YAP1: variants seen among roughly 807,000 people sequenced by gnomAD.
YAP1 encodes the protein transcriptional coactivator YAP1.
In YAP1, 5 loss-of-function variants were observed where a neutral mutation model predicts 56.9. That is an observed-to-expected ratio of 0.09 (90% CI 0.05 to 0.18). YAP1 has a LOEUF of 0.18. Ranked by LOEUF, YAP1 falls within the 10% of genes least tolerant of loss-of-function variation. The pLI is 1.00. For synonymous variants in YAP1, 265 were observed against 248.1 expected (o/e 1.07, Z -0.64); for missense variants, 539 against 651.8 (o/e 0.83, Z 1.88).
At chr11:102,203,567 T>C (rs1315111534) in intron 4 of YAP1, among the ~76,000 whole-genome samples, 2 of 152,106 alleles carry the variant, frequency 1.3e-5, no homozygotes, top group Non-Finnish European at 2.9e-5. Flanking sequence ...AGGATAGAGG[T>C]AAAAGAGATT....
chr11:102,148,675 GGACAA>G (rs1474580705), intron 2 of YAP1, among the ~76,000 whole-genome samples: 6 of 152,076 alleles, frequency 3.9e-5, no homozygotes, highest in African/African-American at 1.4e-4. Flanking sequence ...ACTGTTCTCT[GGACAA>G]GACATCAGTA....
intron 1 of YAP1, 25 bp downstream of exon 1, chr11:102,111,194 T>C (rs560938135): frequency 1.9e-6 from 3 of 1,609,034 alleles, no homozygotes; most frequent in Non-Finnish European, 2.5e-6. Flanking sequence ...CCTCTCCCCG[T>C]TTCCCCGTCG....
chr11:102,136,107 T>G (rs1944660201), intron 2 of YAP1, among the ~76,000 whole-genome samples: 1 of 152,204 alleles, frequency 6.6e-6, no homozygotes, highest in Admixed American at 6.5e-5. Flanking sequence ...GTCCAGTGCA[T>G]GGTACTTTTG....
At chr11:102,202,478 C>T (rs979989547) in intron 4 of YAP1, among the ~76,000 whole-genome samples, 2 of 151,134 alleles carry the variant, frequency 1.3e-5, no homozygotes, top group Non-Finnish European at 2.9e-5. Context: ...TGCACCTGGC[C>T]GATTTTTTTT....
At chr11:102,169,167 C>T (rs1946763511) in intron 3 of YAP1, among the ~76,000 whole-genome samples, 1 of 152,080 alleles carries the variant, frequency 6.6e-6, no homozygotes, top group Non-Finnish European at 1.5e-5. Flanking sequence ...GATAATAACT[C>T]ATAGGGCTGT....
intron 3 of YAP1, among the ~76,000 whole-genome samples, chr11:102,185,310 A>G (rs1297693007): frequency 1.3e-5 from 2 of 152,214 alleles, no homozygotes; most frequent in Non-Finnish European, 2.9e-5. Context: ...AGTTAACTGT[A>G]TTCTTTAGTC....
At chr11:102,156,748 C>T (rs1945973883) in intron 2 of YAP1, among the ~76,000 whole-genome samples, 2 of 152,164 alleles carry the variant, frequency 1.3e-5, no homozygotes, top group Admixed American at 6.5e-5. Flanking sequence ...TTCAGGTACA[C>T]GCCATTTGGG....
rs914623622 is a variant in YAP1, at chr11:102,110,586, C to G, written c.-263C>G. The G allele has an allele frequency of 1.8e-5, 4 of 219,618 alleles. No homozygotes were observed. The highest frequency in any genetic ancestry group is 9.2e-5 in the African/African-American group (4 of 43,380). 13.6% of individuals were successfully genotyped at this position (219,618 alleles called of 1,614,324 possible). A position where few individuals can be genotyped will look rare whatever the true frequency, so the allele number is the denominator to read the frequency against. On this transcript the variant is annotated 5_prime_UTR_variant, in exon 1 of 9. Transcript: ENST00000282441. ...AAGGGAGTTGGAGGGAAAAAGTTCT[C>G]AGGCGCCGCAGGTCCGAGTGCCTCG...
At chr11:102,151,232 G>A (rs778356443) in intron 2 of YAP1, among the ~76,000 whole-genome samples, 3 of 152,056 alleles carry the variant, frequency 2.0e-5, no homozygotes, top group Non-Finnish European at 4.4e-5. Context: ...GACATATTTG[G>A]TTGCTAGAAT....
intron 2 of YAP1, among the ~76,000 whole-genome samples, chr11:102,150,079 G>A (rs1278092243): frequency 7.0e-6 from 1 of 143,132 alleles, no homozygotes; most frequent in African/African-American, 2.6e-5. Flanking sequence ...CCGTCTAGTG[G>A]ATTCAAGCGA....
intron 2 of YAP1, among the ~76,000 whole-genome samples, chr11:102,158,465 A>G (rs146054874): frequency 1.3e-3 from 194 of 152,326 alleles, no homozygotes; most frequent in Non-Finnish European, 1.9e-3. Context: ...CATACAGAGG[A>G]TCTCATTAAA....
rs1184862154 is a variant in YAP1, at chr11:102,186,107, G to A, written c.778G>A (p.Asp260Asn). The change falls in exon 4 of 9, where the codon GAC becomes AAC. Residue 260 changes from aspartate (D) to asparagine (N), a missense_variant. Asp to Asn is a conservative substitution (Grantham distance 23). This residue lies in a region of YAP1 where 414 missense variants were observed against 512.4 expected (regional missense o/e 0.81). Coordinates refer to ENST00000282441, the MANE Select transcript of YAP1 (RefSeq NM_001130145.3). ...TAAGAACAAGACCACCTCTTGGCTA[G>A]ACCCAAGGCTTGACCCTCGTTTTGG... ...NHKNKTTSWL[D>N]PRLDPRFAMN... 1 of 1,612,528 alleles carries A rather than the reference G, an allele frequency of 6.2e-7. No individual in the cohort carries two copies. The highest frequency in any genetic ancestry group is 8.5e-7 in the Non-Finnish European group (1 of 1,179,428).
At chr11:102,190,764 C>G (rs890520824) in intron 4 of YAP1, among the ~76,000 whole-genome samples, 1 of 152,110 alleles carries the variant, frequency 6.6e-6, no homozygotes, top group African/African-American at 2.4e-5. Context: ...ATGGTCAAAC[C>G]CCGTCTACTA....
chr11:102,209,900 A>G (rs962275982), intron 6 of YAP1, among the ~76,000 whole-genome samples: 1 of 152,202 alleles, frequency 6.6e-6, no homozygotes, highest in African/African-American at 2.4e-5. Flanking sequence ...TAGTATGTGT[A>G]ATGATTTAAA....
At chr11:102,180,299 T>C (rs983330160) in intron 3 of YAP1, among the ~76,000 whole-genome samples, 9 of 152,100 alleles carry the variant, frequency 5.9e-5, no homozygotes, top group African/African-American at 2.2e-4. Flanking sequence ...TAGTAGATCC[T>C]ATACTGGACA....
intron 4 of YAP1, among the ~76,000 whole-genome samples, chr11:102,193,253 T>G (rs1948390570): frequency 6.6e-6 from 1 of 152,166 alleles, no homozygotes. Context: ...TTTGCTTAAA[T>G]GAATATTTTA....
At position 102,204,898 on chromosome 11, in the gene YAP1, C is replaced by T. The variant is rs1238664055; in HGVS notation, c.803-995C>T. Among the ~76,000 whole-genome samples, 4 of 152,128 alleles carry T rather than the reference C, an allele frequency of 2.6e-5. No homozygotes were observed. The East Asian group carries it at 7.7e-4, about 29-fold the overall frequency. ...ATTTCTTCCTTGAATGACTGCAAAG[C>T]CATTGGGACCTGGGGTTTTCTTTAG... On this transcript the variant is annotated intron_variant, in intron 4 of 8. Transcript: ENST00000282441.
chr11:102,134,487 T>A (rs1340312923), intron 2 of YAP1, among the ~76,000 whole-genome samples: 1 of 147,892 alleles, frequency 6.8e-6, no homozygotes. Flanking sequence ...TTATATATAT[T>A]TATTTATATA....
At chr11:102,171,411 T>C (rs1282752349) in intron 3 of YAP1, among the ~76,000 whole-genome samples, 2 of 152,202 alleles carry the variant, frequency 1.3e-5, no homozygotes, top group East Asian at 3.9e-4. Flanking sequence ...CTCACAGTTT[T>C]CCAAAATAAG....
Sources: gnomAD v4.1 joint callset for allele counts (sites outside exome capture counted in the v4.1 genomes callset) on GRCh38, gnomAD v4.1.1 for gene constraint, gnomAD v4.1.1 regional missense constraint, MANE v1.5 for transcripts, NCBI Gene and HGNC (gene_info 2026-07-23, HGNC 2026-07-21) for gene names.